KCND2: variants seen among roughly 807,000 people sequenced by gnomAD.
The protein encoded by KCND2 is A-type voltage-gated potassium channel KCND2.
In KCND2, 16 loss-of-function variants were observed where a neutral mutation model predicts 54.4. The ratio of observed to expected loss-of-function variants is 0.29; its 90% CI spans 0.20 to 0.45. The LOEUF (loss-of-function observed/expected upper bound fraction) is 0.45. KCND2 is among the 20% of genes least tolerant of loss of function. The pLI is 1.00. For missense variants in KCND2, 486 were observed against 824.2 expected (o/e 0.59, Z 5.02); for synonymous variants, 317 against 310.7 (o/e 1.02, Z -0.21).
intron 1 of KCND2, among the ~76,000 whole-genome samples, chr7:120,351,383 C>T (rs1162811821): frequency 6.8e-6 from 1 of 146,958 alleles, no homozygotes; most frequent in Admixed American, 6.8e-5. Context: ...CACACACACA[C>T]ACACACACAC....
At chr7:120,448,644 T>A (rs571476504) in intron 1 of KCND2, among the ~76,000 whole-genome samples, 10 of 152,064 alleles carry the variant, frequency 6.6e-5, no homozygotes, top group South Asian at 2.1e-4. Context: ...TAGACCAATA[T>A]CCCTGATGAA....
At chr7:120,687,909 CAATTT>C (rs1792224651) in intron 1 of KCND2, among the ~76,000 whole-genome samples, 1 of 152,092 alleles carries the variant, frequency 6.6e-6, no homozygotes, top group Non-Finnish European at 1.5e-5. Context: ...TGAAGTTCAG[CAATTT>C]AATTGTACTC....
intron 1 of KCND2, among the ~76,000 whole-genome samples, chr7:120,340,347 G>A (rs142305391): frequency 3.3e-5 from 5 of 152,320 alleles, no homozygotes; most frequent in Non-Finnish European, 5.9e-5. Flanking sequence ...TGAGAGAAGG[G>A]AAAGATCTGA....
chr7:120,435,306 G>T (rs912463017), intron 1 of KCND2, among the ~76,000 whole-genome samples: 32 of 150,302 alleles, frequency 2.1e-4, no homozygotes, highest in Non-Finnish European at 4.1e-4. Context: ...GTAGAGACAG[G>T]GTTTCAACAA....
intron 1 of KCND2, among the ~76,000 whole-genome samples, chr7:120,676,858 A>G (rs115345767): frequency 0.034 from 5,197 of 152,280 alleles, 204 homozygotes; most frequent in African/African-American, 0.1. Flanking sequence ...GAAAAAAGGC[A>G]TCTGGGTAGC....
intron 1 of KCND2, among the ~76,000 whole-genome samples, chr7:120,447,009 A>G (rs1802027010): frequency 6.6e-6 from 1 of 152,334 alleles, no homozygotes; most frequent in Admixed American, 6.5e-5. Flanking sequence ...ATATTTTATA[A>G]TAAAGATAGC....
intron 1 of KCND2, among the ~76,000 whole-genome samples, chr7:120,603,992 G>T (rs1023988953): frequency 6.6e-6 from 1 of 152,066 alleles, no homozygotes; most frequent in African/African-American, 2.4e-5. Context: ...TTGCCTGTCT[G>T]TCCTTAATCT....
intron 1 of KCND2, among the ~76,000 whole-genome samples, chr7:120,417,338 C>G (rs961664429): frequency 3.9e-5 from 6 of 152,140 alleles, no homozygotes. Flanking sequence ...CATACATGTG[C>G]TTTTTCCTGG....
chr7:120,625,164 T>TAG (rs1161953352), intron 1 of KCND2, among the ~76,000 whole-genome samples: 1 of 152,156 alleles, frequency 6.6e-6, no homozygotes, highest in African/African-American at 2.4e-5. Flanking sequence ...TCATAAGTGA[T>TAG]GTCTAAGATT....
intron 1 of KCND2, among the ~76,000 whole-genome samples, chr7:120,536,670 C>T (rs546536569): frequency 6.6e-6 from 1 of 152,252 alleles, no homozygotes; most frequent in African/African-American, 2.4e-5. Context: ...ATAAAAAGCA[C>T]ATCCTCCTCC....
At position 120,314,535 on chromosome 7, in the gene KCND2, T is replaced by C. The variant is rs779112927; in HGVS notation, c.1115+38788T>C. Among the ~76,000 whole-genome samples the C allele has an allele frequency of 1.4e-4, 21 of 152,280 alleles. 1 individual carries two copies. Among genetic ancestry groups the C allele is most frequent in the South Asian group, 8.3e-4 (4 of 4,830 alleles). ...CATACATTTTATTGTGTTTATACCA[T>C]GTTACCATAAAGAATAAATTATAAA... On this transcript the variant is annotated intron_variant, in intron 1 of 5. Transcript: ENST00000331113.
chr7:120,375,161 A>G (rs913480441), intron 1 of KCND2, among the ~76,000 whole-genome samples: 3 of 151,926 alleles, frequency 2.0e-5, no homozygotes, highest in African/African-American at 7.2e-5. Context: ...CAACCAGTAA[A>G]TTAAAATCCC....
chr7:120,532,155 T>C (rs1791850594), intron 1 of KCND2, among the ~76,000 whole-genome samples: 1 of 152,118 alleles, frequency 6.6e-6, no homozygotes, highest in African/African-American at 2.4e-5. Context: ...GTCAATCATA[T>C]TGTAGTTTTC....
At chr7:120,414,144 G>T (rs1801492117) in intron 1 of KCND2, among the ~76,000 whole-genome samples, 2 of 151,656 alleles carry the variant, frequency 1.3e-5, no homozygotes, top group African/African-American at 4.8e-5. Context: ...TTTTCATTTT[G>T]AGAATGGTAT....
At chr7:120,569,950 T>C (rs1792342162) in intron 1 of KCND2, among the ~76,000 whole-genome samples, 1 of 152,128 alleles carries the variant, frequency 6.6e-6, no homozygotes. Flanking sequence ...ATGCTAATGA[T>C]GCTCAAAACA....
At chr7:120,508,521 G>C (rs974303355) in intron 1 of KCND2, among the ~76,000 whole-genome samples, 7 of 151,828 alleles carry the variant, frequency 4.6e-5, no homozygotes, top group African/African-American at 1.7e-4. Flanking sequence ...CTACTTATTC[G>C]CATTATGATG....
chr7:120,706,594 G>A (rs1395190833), intron 1 of KCND2, among the ~76,000 whole-genome samples: 1 of 152,130 alleles, frequency 6.6e-6, no homozygotes, highest in African/African-American at 2.4e-5. Flanking sequence ...CTCTTTTAAT[G>A]CTATCACATT....
intron 1 of KCND2, among the ~76,000 whole-genome samples, chr7:120,536,203 G>C (rs1254387996): frequency 1.3e-5 from 2 of 152,140 alleles, no homozygotes; most frequent in Non-Finnish European, 2.9e-5. Flanking sequence ...TAAGTGTGCA[G>C]TAGAACTGTG....
intron 1 of KCND2, among the ~76,000 whole-genome samples, chr7:120,404,606 C>T (rs1460487950): frequency 6.6e-6 from 1 of 152,136 alleles, no homozygotes; most frequent in African/African-American, 2.4e-5. Context: ...CCGTGGAAGG[C>T]AAACTTCTAT....
Sources: allele counts gnomAD v4.1 joint callset (sites outside exome capture counted in the v4.1 genomes callset), GRCh38; gene constraint gnomAD v4.1.1; transcripts MANE v1.5; gene names NCBI Gene and HGNC (gene_info 2026-07-23, HGNC 2026-07-21).